Variants in EFCAB3 observed in about 807,000 individuals in gnomAD.
The protein encoded by EFCAB3 is EF-hand calcium-binding domain-containing protein 3.
EFCAB3 carries 36 observed loss-of-function variants against 42.2 expected under a neutral mutation model. The observed-to-expected ratio is 0.85, with a 90% CI of 0.65 to 1.13. The LOEUF is 1.13. Among genes scored for constraint, EFCAB3 ranks in the 50% most tolerant of loss-of-function variants. EFCAB3 has a pLI of 0.00. For synonymous variants in EFCAB3, 170 were observed against 172.8 expected (o/e 0.98, Z 0.13); for missense variants, 418 against 505.1 (o/e 0.83, Z 1.65).
intron 9 of EFCAB3, among the ~76,000 whole-genome samples, chr17:62,414,547 T>C (rs565377061): frequency 5.3e-5 from 8 of 151,892 alleles, no homozygotes; most frequent in Non-Finnish European, 7.4e-5. Context: ...GGTTCTCCCC[T>C]GGGAATTCTG....
Position 62,406,497 on chromosome 17 carries a change from T to G in EFCAB3, c.506T>G (p.Phe169Cys). 1 of 1,588,762 alleles carries G rather than the reference T, an allele frequency of 6.3e-7. No homozygotes were observed. The highest frequency in any genetic ancestry group is 8.6e-7 in the Non-Finnish European group (1 of 1,168,658). ...IEIVSYFQRKFQHTGPGMLWS... is the reference protein window; with the variant it reads ...IEIVSYFQRKCQHTGPGMLWS... ...TTTTAAAGCTATTTCCAAAGAAAAT[T>G]CCAGCATACTGGCCCAGGAATGTTG... Residue 169 changes from phenylalanine to cysteine, a missense_variant, in exon 7 of 10, where the codon TTC (phenylalanine) becomes TGC (cysteine). Phe to Cys is a radical substitution (Grantham distance 205). Coordinates refer to ENST00000305286, the MANE Select transcript of EFCAB3 (RefSeq NM_173503.4).
chr17:62,393,461 C>T, intron 4 of EFCAB3, 112 bp from the exon 5 acceptor site: 1 of 836,962 alleles, frequency 1.2e-6, no homozygotes, highest in East Asian at 2.7e-5. Context: ...CCCTCAAATG[C>T]TCTGTTTTTA....
chr17:62,410,477 G>C (rs1322291288), intron 8 of EFCAB3, among the ~76,000 whole-genome samples: 1 of 152,028 alleles, frequency 6.6e-6, no homozygotes, highest in African/African-American at 2.4e-5. Context: ...GATAGGGCTG[G>C]GTATGGTAGC....
Position 62,388,396 on chromosome 17 carries a change from G to A in EFCAB3, c.151+980G>A, listed in dbSNP as rs370435434. ...AACAGGAGTAAATCAGGCAAATAGC[G>A]CTGACAGGAGTTTCTAGGCAGAAAG... is the stretch of plus-strand genomic sequence containing the variant. On this transcript the variant is annotated intron_variant, in intron 3 of 9. Transcript: ENST00000305286. Among the ~76,000 whole-genome samples the A allele has an allele frequency of 1.6e-3, 242 of 152,282 alleles. 1 individual carries two copies. Among genetic ancestry groups the A allele is most frequent in the Non-Finnish European group, 2.8e-3 (193 of 68,014 alleles).
intron 3 of EFCAB3, among the ~76,000 whole-genome samples, chr17:62,387,921 C>T (rs111325172): frequency 0.02 from 3,073 of 152,198 alleles, 119 homozygotes; most frequent in African/African-American, 0.07. Flanking sequence ...AAACCATGAA[C>T]TTGCCAGGCA....
At chr17:62,398,634 C>T (rs2070374610) in intron 6 of EFCAB3, among the ~76,000 whole-genome samples, 1 of 151,834 alleles carries the variant, frequency 6.6e-6, no homozygotes, top group South Asian at 2.1e-4. Context: ...CCTCACTGCA[C>T]TCCAGCGTGG....
At chr17:62,397,522 G>A in intron 6 of EFCAB3, 2 of 567,498 alleles carry the variant, frequency 3.5e-6, no homozygotes, top group South Asian at 1.4e-5. Flanking sequence ...ACCCTTTTGA[G>A]GGTTGCATGA....
Position 62,391,890 on chromosome 17 carries a change from T to G in EFCAB3, c.220T>G (p.Cys74Gly). 6.2e-7 allele frequency: 1 copy of G among 1,613,940 alleles called. No individual in the cohort carries two copies. The change falls in exon 4 of 10, where the codon TGC becomes GGC. Residue 74 changes from cysteine to glycine, a missense_variant. Coordinates refer to ENST00000305286, the MANE Select transcript of EFCAB3 (RefSeq NM_173503.4). Reference protein sequence around the residue: ...TGCIDFHGLMCTVAKLGMNLT... With the variant: ...TGCIDFHGLMGTVAKLGMNLT... ...CTGTATTGATTTCCATGGACTGATG[T>G]GCACTGTAGCTAAGCTGGGAATGAA...
intron 1 of EFCAB3, among the ~76,000 whole-genome samples, chr17:62,381,433 A>C (rs1414107319): frequency 6.6e-6 from 1 of 151,994 alleles, no homozygotes; most frequent in Non-Finnish European, 1.5e-5. Context: ...ATAACAAGAG[A>C]GGGGGAAGCC....
chr17:62,406,725 G>A (rs2070451457), intron 7 of EFCAB3, 52 bp downstream of exon 7: 2 of 1,585,752 alleles, frequency 1.3e-6, no homozygotes, highest in East Asian at 2.3e-5. Context: ...ATTTGTATAT[G>A]ACTGGTCAGA....
chr17:62,382,393 A>G (rs950302356), intron 1 of EFCAB3, among the ~76,000 whole-genome samples: 2 of 152,194 alleles, frequency 1.3e-5, no homozygotes, highest in Non-Finnish European at 2.9e-5. Flanking sequence ...TCTAATTAAC[A>G]TATTCATCAC....
At chr17:62,405,660 C>T (rs992529485) in intron 6 of EFCAB3, among the ~76,000 whole-genome samples, 1 of 152,216 alleles carries the variant, frequency 6.6e-6, no homozygotes, top group African/African-American at 2.4e-5. Flanking sequence ...ACCACAGTCA[C>T]TGATATTCGA....
intron 6 of EFCAB3, chr17:62,397,726 T>C (rs2070362824): frequency 4.0e-6 from 2 of 494,782 alleles, no homozygotes; most frequent in Admixed American, 2.5e-5. Flanking sequence ...CTGGATTTGG[T>C]TAAAAAGGTC....
At chr17:62,406,772 C>T (rs2144106847) in intron 7 of EFCAB3, 99 bp downstream of exon 7, 1 of 1,287,686 alleles carries the variant, frequency 7.8e-7, no homozygotes, top group East Asian at 2.5e-5. Context: ...AAGAACAGGA[C>T]TGCAGCCTAT....
intron 8 of EFCAB3, among the ~76,000 whole-genome samples, chr17:62,411,265 A>C (rs1243106558): frequency 2.0e-5 from 3 of 152,246 alleles, no homozygotes; most frequent in Non-Finnish European, 4.4e-5. Flanking sequence ...TTGATATAGC[A>C]GATCTTTAAA....
chr17:62,385,921 G>C (rs563093119), intron 2 of EFCAB3, among the ~76,000 whole-genome samples: 52 of 150,620 alleles, frequency 3.5e-4, no homozygotes, highest in Admixed American at 6.0e-4. Flanking sequence ...TAGAGGCGGG[G>C]TTTCACCATG....
chr17:62,371,034 A>G (rs990992790), intron 1 of EFCAB3, among the ~76,000 whole-genome samples: 1 of 150,676 alleles, frequency 6.6e-6, no homozygotes, highest in Non-Finnish European at 1.5e-5. Flanking sequence ...CGAGATTGCA[A>G]TGAGCTATGA....
At chr17:62,409,040 A>G (rs1184539044) in intron 8 of EFCAB3, among the ~76,000 whole-genome samples, 1 of 152,156 alleles carries the variant, frequency 6.6e-6, no homozygotes, top group Non-Finnish European at 1.5e-5. Context: ...GGTTCATTTT[A>G]TGTTACATGA....
chr17:62,380,757 G>T (rs750729584), intron 1 of EFCAB3, 144 bp downstream of exon 1: 26 of 279,266 alleles, frequency 9.3e-5, no homozygotes, highest in Non-Finnish European at 1.4e-4. Context: ...TGCCTGAATT[G>T]TTGAGCCATT....
Sources: allele counts gnomAD v4.1 joint callset (sites outside exome capture counted in the v4.1 genomes callset), GRCh38; gene constraint gnomAD v4.1.1; transcripts MANE v1.5; gene names NCBI Gene and HGNC (gene_info 2026-07-23, HGNC 2026-07-21).